The following VPS35L variants were observed in gnomAD, a reference collection of about 807,000 sequenced individuals.
VPS35L encodes the protein VPS35 endosomal protein-sorting factor-like.
A neutral mutation model predicts 133.0 loss-of-function variants in VPS35L; 83 were observed. The observed-to-expected ratio is 0.62, with a 90% confidence interval of 0.52 to 0.75. VPS35L has a LOEUF of 0.75. Among genes scored for constraint, VPS35L ranks in the 30% least tolerant of loss-of-function variants. The probability of loss-of-function intolerance (pLI) is 0.00; values close to 1 mark genes in which losing one functional copy is unlikely to be tolerated. For synonymous variants in VPS35L, 423 were observed against 449.9 expected (o/e 0.94, Z 0.76); for missense variants, 1,083 against 1,206.8 (o/e 0.90, Z 1.52).
Position 19,650,467 on chromosome 16 carries a change from C to G in VPS35L, c.2106+8C>G. The G allele has an allele frequency of 6.2e-7, 1 of 1,610,476 alleles. No homozygotes were observed. The stretch of plus-strand genomic sequence containing the variant: ...ACAGCTGCATTTGTCCGGGTATGTT[C>G]TTAAGATAAGGACTGTTGGACCTCG... On this transcript the variant is annotated splice_region_variant and intron_variant, in intron 25 of 30. Transcript: ENST00000417362.
intron 26 of VPS35L, among the ~76,000 whole-genome samples, chr16:19,655,468 G>A (rs1974266269): frequency 6.6e-6 from 1 of 152,174 alleles, no homozygotes; most frequent in South Asian, 2.1e-4. Context: ...GTTATAAAAT[G>A]TCCCCGTCCC....
intron 27 of VPS35L, among the ~76,000 whole-genome samples, chr16:19,674,953 TTC>T (rs1394621007): frequency 2.9e-5 from 4 of 138,936 alleles, no homozygotes; most frequent in Non-Finnish European, 6.5e-5. Flanking sequence ...TTTCTTTTCT[TTC>T]TTTTTTTTTT....
At chr16:19,683,918 G>T (rs1296519397) in intron 28 of VPS35L, among the ~76,000 whole-genome samples, 1 of 152,218 alleles carries the variant, frequency 6.6e-6, no homozygotes, top group African/African-American at 2.4e-5. Context: ...CATTTCCACT[G>T]ACAGAGTGTT....
At chr16:19,620,611 A>G (rs1041248404) in intron 14 of VPS35L, among the ~76,000 whole-genome samples, 2 of 152,136 alleles carry the variant, frequency 1.3e-5, no homozygotes, top group African/African-American at 4.8e-5. Flanking sequence ...ATACCAAAAC[A>G]TCTCATGTAC....
chr16:19,584,356 G>C (rs1032855630), intron 7 of VPS35L, among the ~76,000 whole-genome samples: 2 of 152,072 alleles, frequency 1.3e-5, no homozygotes, highest in Admixed American at 1.3e-4. Flanking sequence ...GCTGGGTGTG[G>C]TGGCTCACGC....
At chr16:19,665,020 T>G (rs1451457308) in intron 26 of VPS35L, among the ~76,000 whole-genome samples, 1 of 152,160 alleles carries the variant, frequency 6.6e-6, no homozygotes, top group Non-Finnish European at 1.5e-5. Flanking sequence ...GGACAATATA[T>G]ATTTTTTCCT....
At chr16:19,697,587 C>G (rs1174698766) in intron 29 of VPS35L, among the ~76,000 whole-genome samples, 1 of 151,900 alleles carries the variant, frequency 6.6e-6, no homozygotes, top group African/African-American at 2.4e-5. Context: ...CATAGCAGCT[C>G]GCAGGCGCCA....
At chr16:19,575,561 TAA>T (rs376319436) in intron 5 of VPS35L, among the ~76,000 whole-genome samples, 85 of 126,512 alleles carry the variant, frequency 6.7e-4, no homozygotes, top group East Asian at 2.7e-3. Context: ...AATGCCGTCT[TAA>T]AAAAAAAAAA....
chr16:19,642,331 T>G, intron 21 of VPS35L, 65 bp from the exon 22 acceptor site: 2 of 1,412,676 alleles, frequency 1.4e-6, no homozygotes, highest in Non-Finnish European at 2.0e-6. Context: ...GGATGAAAAC[T>G]GAATCCACTC....
intron 16 of VPS35L, 128 bp downstream of exon 16, chr16:19,627,933 G>C (rs1238666494): frequency 1.4e-6 from 1 of 711,400 alleles, no homozygotes; most frequent in African/African-American, 1.7e-5. Context: ...CTGTTTCTGA[G>C]GAACGCAATG....
chr16:19,589,542 G>A (rs936112613), intron 7 of VPS35L, among the ~76,000 whole-genome samples: 4 of 152,190 alleles, frequency 2.6e-5, no homozygotes, highest in Non-Finnish European at 5.9e-5. Flanking sequence ...ACCATGCCCA[G>A]CTGGGATTTG....
chr16:19,559,231 A>G (rs1414862862), intron 1 of VPS35L, among the ~76,000 whole-genome samples: 3 of 152,242 alleles, frequency 2.0e-5, no homozygotes, highest in African/African-American at 7.2e-5. Flanking sequence ...TAATGTGCAT[A>G]TAAACCACCT....
At chr16:19,657,711 C>G (rs1340051969) in intron 26 of VPS35L, among the ~76,000 whole-genome samples, 1 of 152,104 alleles carries the variant, frequency 6.6e-6, no homozygotes, top group Non-Finnish European at 1.5e-5. Context: ...TGGAAATAGC[C>G]AGGGCCATGA....
intron 14 of VPS35L, among the ~76,000 whole-genome samples, chr16:19,621,487 A>G (rs1973079616): frequency 1.3e-5 from 2 of 152,270 alleles, no homozygotes; most frequent in Admixed American, 1.3e-4. Context: ...TAAAAAACAA[A>G]CCAGCACACC....
At chr16:19,565,279 C>T (rs1971153893) in intron 2 of VPS35L, among the ~76,000 whole-genome samples, 1 of 151,862 alleles carries the variant, frequency 6.6e-6, no homozygotes. Context: ...TGGTCTTGAA[C>T]TCCTGAGCTC....
chr16:19,633,161 T>A lies in VPS35L; in HGVS notation c.1624T>A (p.Ser542Thr). ...GACTCCAGATCGTGCATTTGAAGAT[T>A]CCTACCCCCAGGTAACAGATTTGCA... The part of the protein sequence containing the change: ...HMTPDRAFED[S>T]YPQLQLIIKK... Residue 542 changes from serine (S) to threonine (T), a missense_variant, in exon 19 of 31, where the codon TCC becomes ACC. Physicochemically the swap from Ser to Thr is moderately conservative, Grantham distance 58. Coordinates refer to ENST00000417362, the MANE Select transcript of VPS35L (RefSeq NM_020314.7). The surrounding 1 kb of genome is among the most constrained non-coding windows in gnomAD (Gnocchi z 4.1). 3 of 1,614,142 alleles carry A rather than the reference T, an allele frequency of 1.9e-6. No individual in the cohort carries two copies. Among genetic ancestry groups the A allele is most frequent in the Non-Finnish European group, 2.5e-6 (3 of 1,179,960 alleles).
chr16:19,647,981 T>TGAGACC, intron 24 of VPS35L, 99 bp downstream of exon 24: 1 of 1,110,402 alleles, frequency 9.0e-7, no homozygotes, highest in Non-Finnish European at 1.3e-6. Flanking sequence ...AGAGACAGGG[T>TGAGACC]CTCACTCTGT....
chr16:19,643,906 CA>C, intron 22 of VPS35L, among the ~76,000 whole-genome samples: 1 of 152,128 alleles, frequency 6.6e-6, no homozygotes, highest in East Asian at 1.9e-4. Context: ...TGCAGTGATC[CA>C]AGATCATGCC....
chr16:19,666,725 G>C (rs1189210260), intron 26 of VPS35L, among the ~76,000 whole-genome samples: 1 of 152,088 alleles, frequency 6.6e-6, no homozygotes, highest in African/African-American at 2.4e-5. Context: ...GGTCTTTCAA[G>C]TTGCTCTGAG....
Sources: allele counts gnomAD v4.1 joint callset (sites outside exome capture counted in the v4.1 genomes callset), GRCh38; gene constraint gnomAD v4.1.1; non-coding constraint Gnocchi (gnomAD v3.1); transcripts MANE v1.5; gene names NCBI Gene and HGNC (gene_info 2026-07-23, HGNC 2026-07-21).